Variants in RBMS3 observed in about 807,000 individuals in gnomAD.
RBMS3 encodes the protein RNA binding motif single stranded interacting protein 3.
In RBMS3, 27 loss-of-function variants were observed where a neutral mutation model predicts 66.8. That is an observed-to-expected ratio of 0.40 (90% CI 0.30 to 0.56). The LOEUF (loss-of-function observed/expected upper bound fraction) is 0.56, where lower values mean the gene tolerates loss of function less well. Among genes scored for constraint, RBMS3 ranks in the 20% least tolerant of loss-of-function variants. The probability of loss-of-function intolerance (pLI) is 0.40; values close to 1 mark genes in which losing one functional copy is unlikely to be tolerated. For synonymous variants in RBMS3, 188 were observed against 183.0 expected (o/e 1.03, Z -0.22); for missense variants, 513 against 549.5 (o/e 0.93, Z 0.66).
At chr3:29,989,721 C>A (rs998751182) in intron 13 of RBMS3, among the ~76,000 whole-genome samples, 1 of 152,182 alleles carries the variant, frequency 6.6e-6, no homozygotes, top group Admixed American at 6.5e-5. Flanking sequence ...ACCTATAGGT[C>A]TCAAAGAATG....
At chr3:29,987,650 G>C (rs993207267) in intron 12 of RBMS3, among the ~76,000 whole-genome samples, 3 of 152,072 alleles carry the variant, frequency 2.0e-5, no homozygotes, top group African/African-American at 7.2e-5. Context: ...TGCCAATAAT[G>C]CCAATGTATC....
chr3:29,403,868 C>T (rs1265807914), intron 1 of RBMS3, among the ~76,000 whole-genome samples: 1 of 152,032 alleles, frequency 6.6e-6, no homozygotes, highest in Non-Finnish European at 1.5e-5. Flanking sequence ...ACAGACAATG[C>T]TATGTAGTTC....
intron 11 of RBMS3, among the ~76,000 whole-genome samples, chr3:29,941,245 C>T (rs1056116168): frequency 6.6e-6 from 1 of 151,786 alleles, no homozygotes; most frequent in African/African-American, 2.4e-5. Context: ...TAGCATTTTT[C>T]AGTCACACCA....
intron 4 of RBMS3, among the ~76,000 whole-genome samples, chr3:29,606,062 C>T (rs972630779): frequency 6.6e-6 from 1 of 150,642 alleles, no homozygotes; most frequent in African/African-American, 2.4e-5. Context: ...TACAGTTTGA[C>T]CTTTCTTAGT....
intron 8 of RBMS3, among the ~76,000 whole-genome samples, chr3:29,894,541 C>A (rs2060080993): frequency 6.6e-6 from 1 of 151,440 alleles, no homozygotes; most frequent in African/African-American, 2.4e-5. Flanking sequence ...CTTAAAAGAA[C>A]ACTAATCCTA....
chr3:29,969,930 T>G (rs1275656943), intron 12 of RBMS3, among the ~76,000 whole-genome samples: 1 of 152,160 alleles, frequency 6.6e-6, no homozygotes, highest in African/African-American at 2.4e-5. Flanking sequence ...CATTGATCCC[T>G]CTTTTAAAAA....
At chr3:29,891,399 G>C (rs1028762823) in intron 8 of RBMS3, among the ~76,000 whole-genome samples, 1 of 151,596 alleles carries the variant, frequency 6.6e-6, no homozygotes, top group African/African-American at 2.4e-5. Flanking sequence ...AGAAGCATCT[G>C]TGTCACAACA....
At position 30,006,195 on chromosome 3, in the gene RBMS3, A is replaced by G. The variant is rs1391015018; in HGVS notation, c.*2333A>G. On this transcript the variant is annotated 3_prime_UTR_variant, in exon 15 of 15. Coordinates refer to ENST00000383767, the MANE Select transcript of RBMS3 (RefSeq NM_001003793.3). ...AGGGAAATGTATTTAAGTGTACTATAAAACAGGGTAGGCTTTTTAAAAACT... is the reference window on the plus strand; with the variant it reads ...AGGGAAATGTATTTAAGTGTACTATGAAACAGGGTAGGCTTTTTAAAAACT... The G allele has an allele frequency of 6.6e-6, 1 of 151,914 alleles. No individual in the cohort carries two copies. Among genetic ancestry groups the G allele is most frequent in the African/African-American group, 2.4e-5 (1 of 41,418 alleles). 9.4% of individuals were successfully genotyped at this position (151,914 alleles called of 1,614,324 possible). A position where few individuals can be genotyped will look rare whatever the true frequency, so the allele number is the denominator to read the frequency against.
chr3:29,379,352 A>G (rs1425097312), intron 1 of RBMS3, among the ~76,000 whole-genome samples: 1 of 152,040 alleles, frequency 6.6e-6, no homozygotes, highest in Non-Finnish European at 1.5e-5. Flanking sequence ...GAGTAACTAG[A>G]AAAAAAATGG....
intron 3 of RBMS3, among the ~76,000 whole-genome samples, chr3:29,562,442 G>A (rs981285006): frequency 6.6e-6 from 1 of 152,114 alleles, no homozygotes; most frequent in African/African-American, 2.4e-5. Context: ...TGACCAAAGA[G>A]ATCACATCTG....
intron 5 of RBMS3, 49 bp from the exon 6 acceptor site, chr3:29,762,861 C>A: frequency 7.8e-7 from 1 of 1,281,396 alleles, no homozygotes; most frequent in African/African-American, 1.5e-5. Flanking sequence ...TCTTAAGTTT[C>A]TTTTTCTTGA....
intron 6 of RBMS3, among the ~76,000 whole-genome samples, chr3:29,816,849 T>C (rs1317451007): frequency 6.6e-6 from 1 of 152,092 alleles, no homozygotes; most frequent in Non-Finnish European, 1.5e-5. Context: ...TCCAGCACTT[T>C]GGGAGACCCA....
chr3:29,581,739 C>T (rs1421734493), intron 3 of RBMS3, among the ~76,000 whole-genome samples: 1 of 152,162 alleles, frequency 6.6e-6, no homozygotes, highest in Non-Finnish European at 1.5e-5. Context: ...GATTTTATGA[C>T]AGTCATTCTG....
intron 6 of RBMS3, among the ~76,000 whole-genome samples, chr3:29,821,521 G>T (rs1328105218): frequency 6.6e-6 from 1 of 152,144 alleles, no homozygotes; most frequent in Non-Finnish European, 1.5e-5. Flanking sequence ...GGCTTATAAA[G>T]AAACCATATA....
At chr3:29,363,270 A>G (rs1433347699) in intron 1 of RBMS3, among the ~76,000 whole-genome samples, 1 of 152,146 alleles carries the variant, frequency 6.6e-6, no homozygotes, top group East Asian at 1.9e-4. Context: ...GAAGAATTGA[A>G]ACTAGATTGT....
At position 29,587,192 on chromosome 3, in the gene RBMS3, C is replaced by T; in HGVS notation, c.386C>T (p.Ala129Val). The change falls in exon 4 of 15, where the codon GCA becomes GTA. Residue 129 changes from alanine to valine, a missense_variant. Coordinates refer to ENST00000383767, the MANE Select transcript of RBMS3 (RefSeq NM_001003793.3). ...VASLKANGVQ[A>V]QMAKQQEQDP... ...TCTCTCAAGGCAAATGGCGTGCAGG[C>T]ACAGATGGCTAAGGTAAGATTGATG... 9.4e-6 allele frequency: 14 copies of T among 1,487,194 alleles called. No individual in the cohort carries two copies. The highest frequency in any genetic ancestry group is 2.5e-5 in the East Asian group (1 of 39,514). The allele number at this position is 1,487,194 out of a possible 1,614,324, so 92.1% of individuals were successfully genotyped here.
intron 4 of RBMS3, among the ~76,000 whole-genome samples, chr3:29,731,955 C>G (rs913840714): frequency 6.6e-6 from 1 of 151,782 alleles, no homozygotes; most frequent in African/African-American, 2.4e-5. Context: ...CCATCTCCCC[C>G]TCTGTACCTC....
intron 4 of RBMS3, among the ~76,000 whole-genome samples, chr3:29,677,858 A>C (rs564890197): frequency 6.6e-6 from 1 of 152,288 alleles, no homozygotes; most frequent in South Asian, 2.1e-4. Context: ...CCAGAATGTG[A>C]GTCAGACAAG....
chr3:29,516,086 A>G (rs1295146342), intron 3 of RBMS3, among the ~76,000 whole-genome samples: 1 of 152,188 alleles, frequency 6.6e-6, no homozygotes, highest in Non-Finnish European at 1.5e-5. Context: ...AATGAGAATC[A>G]GGAAGACATG....
Sources: allele counts gnomAD v4.1 joint callset (sites outside exome capture counted in the v4.1 genomes callset), GRCh38; gene constraint gnomAD v4.1.1; transcripts MANE v1.5; gene names NCBI Gene and HGNC (gene_info 2026-07-23, HGNC 2026-07-21).